Variants in VDAC1 observed in about 807,000 individuals in gnomAD.
The protein encoded by VDAC1 is non-selective voltage-gated ion channel VDAC1.
A neutral mutation model predicts 34.7 loss-of-function variants in VDAC1; 10 were observed. The ratio of observed to expected loss-of-function variants is 0.29; its 90% confidence interval spans 0.18 to 0.49. The LOEUF (loss-of-function observed/expected upper bound fraction) is 0.49, where lower values mean the gene tolerates loss of function less well. VDAC1 is among the 20% of genes least tolerant of loss of function. The probability of loss-of-function intolerance (pLI) is 0.99; values close to 1 mark genes in which losing one functional copy is unlikely to be tolerated. For synonymous variants in VDAC1, 130 were observed against 136.0 expected (o/e 0.96, Z 0.30); for missense variants, 230 against 347.9 (o/e 0.66, Z 2.69).
the VDAC1 span, among the ~76,000 whole-genome samples, chr5:134,059,755 T>C: frequency 6.7e-6 from 1 of 150,104 alleles, no homozygotes; most frequent in African/African-American, 2.5e-5. Context: ...CCAACAAAAT[T>C]CCTTTCAGTT....
At chr5:134,000,130 C>T (rs1753486834) in intron 1 of VDAC1, among the ~76,000 whole-genome samples, 1 of 152,162 alleles carries the variant, frequency 6.6e-6, no homozygotes, top group African/African-American at 2.4e-5. Context: ...CACACACACA[C>T]TCCAGCACTT....
At chr5:134,037,622 T>G in the VDAC1 span, among the ~76,000 whole-genome samples, 1 of 152,234 alleles carries the variant, frequency 6.6e-6, no homozygotes, top group Non-Finnish European at 1.5e-5. Context: ...CCCACCTTTT[T>G]GGGCTAAACC....
intron 5 of VDAC1, among the ~76,000 whole-genome samples, chr5:133,985,138 G>C (rs991966285): frequency 1.3e-5 from 2 of 152,134 alleles, no homozygotes; most frequent in Non-Finnish European, 2.9e-5. Flanking sequence ...GCTTCTATTT[G>C]TAAGTCTCTA....
the VDAC1 span, chr5:134,081,785 G>C: frequency 2.6e-5 from 4 of 152,354 alleles, no homozygotes; most frequent in African/African-American, 9.7e-5. Flanking sequence ...AAAAACACAG[G>C]GTCTAGCAAG....
the VDAC1 span, among the ~76,000 whole-genome samples, chr5:134,077,276 CAAAAAAA>C: frequency 7.9e-5 from 8 of 101,148 alleles, 1 homozygote; most frequent in South Asian, 1.1e-3. Flanking sequence ...GACTCCATCT[CAAAAAAA>C]AAAAAAAAAA....
At chr5:133,983,865 T>C (rs1484583614) in intron 5 of VDAC1, among the ~76,000 whole-genome samples, 2 of 147,450 alleles carry the variant, frequency 1.4e-5, no homozygotes, top group African/African-American at 5.0e-5. Context: ...GTGTGGCACC[T>C]CCCCACCACT....
chr5:134,061,546 A>AT, the VDAC1 span, among the ~76,000 whole-genome samples: 3 of 151,192 alleles, frequency 2.0e-5, no homozygotes, highest in Admixed American at 1.3e-4. Flanking sequence ...TAATTTTAAA[A>AT]TTTTTTTGTA....
At chr5:134,101,299 C>T in the VDAC1 span, among the ~76,000 whole-genome samples, 7 of 152,136 alleles carry the variant, frequency 4.6e-5, no homozygotes, top group African/African-American at 7.2e-5. Context: ...AATTAAGAAA[C>T]ACAGGATTGG....
intron 1 of VDAC1, among the ~76,000 whole-genome samples, chr5:133,994,572 C>T (rs1753224273): frequency 6.6e-6 from 1 of 152,168 alleles, no homozygotes; most frequent in Admixed American, 6.6e-5. Context: ...TTGTTCCTCC[C>T]TCCCAAACTA....
chr5:134,096,051 A>G, the VDAC1 span, among the ~76,000 whole-genome samples: 1 of 152,114 alleles, frequency 6.6e-6, no homozygotes, highest in African/African-American at 2.4e-5. Context: ...CCGATAAGCC[A>G]TGGGCGCCAG....
chr5:134,099,097 G>T, the VDAC1 span, among the ~76,000 whole-genome samples: 1 of 152,218 alleles, frequency 6.6e-6, no homozygotes, highest in Non-Finnish European at 1.5e-5. Flanking sequence ...GAGAAGGAAG[G>T]CGGGCAGAGA....
chr5:134,113,913 C>G, the VDAC1 span, among the ~76,000 whole-genome samples: 1 of 152,212 alleles, frequency 6.6e-6, no homozygotes, highest in African/African-American at 2.4e-5. Context: ...GCCCACGTGG[C>G]TGCCCAAAGT....
At chr5:133,984,532 G>T (rs1752835456) in intron 5 of VDAC1, among the ~76,000 whole-genome samples, 2 of 151,220 alleles carry the variant, frequency 1.3e-5, no homozygotes, top group Non-Finnish European at 2.9e-5. Flanking sequence ...CAATCTGCCT[G>T]CCTCAGCCTC....
At chr5:134,004,142 C>A (rs1459330002) in intron 1 of VDAC1, among the ~76,000 whole-genome samples, 3 of 152,130 alleles carry the variant, frequency 2.0e-5, no homozygotes, top group Non-Finnish European at 2.9e-5. Flanking sequence ...CCGGCCAGGG[C>A]GCGTGGGCCT....
chr5:134,016,223 T>G, the VDAC1 span, among the ~76,000 whole-genome samples: 1 of 152,148 alleles, frequency 6.6e-6, no homozygotes, highest in Non-Finnish European at 1.5e-5. Flanking sequence ...ATCTCATTAT[T>G]ATTGTACAGC....
chr5:134,042,729 C>G, the VDAC1 span, among the ~76,000 whole-genome samples: 2 of 152,194 alleles, frequency 1.3e-5, no homozygotes, highest in South Asian at 4.1e-4. Flanking sequence ...TCAAGTGACC[C>G]GCCTGCTTCA....
chr5:134,011,501 C>G, the VDAC1 span, among the ~76,000 whole-genome samples: 1 of 152,084 alleles, frequency 6.6e-6, no homozygotes, highest in African/African-American at 2.4e-5. Context: ...CCATTGTACT[C>G]TCTGCTTCTA....
the VDAC1 span, among the ~76,000 whole-genome samples, chr5:134,087,684 C>T: frequency 6.6e-6 from 1 of 150,400 alleles, no homozygotes; most frequent in African/African-American, 2.5e-5. Context: ...GTGAAACCCC[C>T]GTCTCTACTA....
chr5:134,041,601 A>G, the VDAC1 span, among the ~76,000 whole-genome samples: 21 of 152,214 alleles, frequency 1.4e-4, no homozygotes, highest in Non-Finnish European at 5.9e-5. Context: ...GATGGGAAAG[A>G]TGGTGGGACC....
Sources: allele counts gnomAD v4.1 joint callset (sites outside exome capture counted in the v4.1 genomes callset), GRCh38; gene constraint gnomAD v4.1.1; transcripts MANE v1.5; gene names NCBI Gene and HGNC (gene_info 2026-07-23, HGNC 2026-07-21).